Variants in CACNA2D3 observed in about 807,000 individuals in gnomAD.
The protein encoded by CACNA2D3 is voltage-dependent calcium channel subunit alpha-2/delta-3.
CACNA2D3 carries 60 observed loss-of-function variants against 160.6 expected under a neutral mutation model. The observed-to-expected ratio is 0.37, with a 90% confidence interval of 0.30 to 0.46. CACNA2D3 has a LOEUF of 0.46. Ranked by LOEUF, CACNA2D3 falls within the 20% of genes least tolerant of loss-of-function variation. The pLI is 1.00. For synonymous variants in CACNA2D3, 558 were observed against 492.9 expected (o/e 1.13, Z -1.75); for missense variants, 1,205 against 1,365.0 (o/e 0.88, Z 1.85).
intron 4 of CACNA2D3, among the ~76,000 whole-genome samples, chr3:54,485,890 A>G (rs1465395217): frequency 6.6e-6 from 1 of 152,162 alleles, no homozygotes; most frequent in African/African-American, 2.4e-5. Flanking sequence ...TGACAGACTA[A>G]CAGTGACCCC....
At chr3:54,368,305 AAAAC>A (rs982963056) in intron 3 of CACNA2D3, among the ~76,000 whole-genome samples, 3 of 152,200 alleles carry the variant, frequency 2.0e-5, no homozygotes, top group Admixed American at 6.5e-5. Context: ...TGTCTCTACA[AAAAC>A]AAACAAACAA....
At chr3:54,237,318 G>A (rs920774654) in intron 2 of CACNA2D3, among the ~76,000 whole-genome samples, 1 of 152,154 alleles carries the variant, frequency 6.6e-6, no homozygotes, top group Non-Finnish European at 1.5e-5. Context: ...AACAGGTAGA[G>A]CAGAGGCTTG....
chr3:54,709,550 C>A (rs1406390442), intron 11 of CACNA2D3, among the ~76,000 whole-genome samples: 3 of 151,934 alleles, frequency 2.0e-5, no homozygotes, highest in Non-Finnish European at 4.4e-5. Flanking sequence ...TTTGTAGAGA[C>A]AGGGTCTCAC....
intron 5 of CACNA2D3, among the ~76,000 whole-genome samples, chr3:54,521,147 T>A (rs907841073): frequency 3.9e-5 from 6 of 152,234 alleles, no homozygotes; most frequent in African/African-American, 1.4e-4. Context: ...TGGATCAAAT[T>A]GTAACTCTGT....
rs1037613611 is a variant in CACNA2D3, at chr3:54,832,066, C to T, written c.1399-5093C>T. ...ACACACACACACACACGTCTCTCCTCCTCTCTGTTGAGTTTATTTTATTCA... is the reference window on the plus strand; with the variant it reads ...ACACACACACACACACGTCTCTCCTTCTCTCTGTTGAGTTTATTTTATTCA... On this transcript the variant is annotated intron_variant, in intron 14 of 37. Coordinates refer to ENST00000474759, the MANE Select transcript of CACNA2D3 (RefSeq NM_018398.3). Among the ~76,000 whole-genome samples the T allele has an allele frequency of 2.0e-5, 3 of 146,512 alleles. No homozygotes were observed. In the East Asian group the frequency reaches 6.1e-4, roughly 30 times the overall value.
At chr3:54,619,225 A>G (rs1698928693) in intron 9 of CACNA2D3, among the ~76,000 whole-genome samples, 1 of 152,226 alleles carries the variant, frequency 6.6e-6, no homozygotes, top group Non-Finnish European at 1.5e-5. Flanking sequence ...CGATGAGCTC[A>G]CATAATACGT....
chr3:54,640,156 G>A (rs929250842), intron 10 of CACNA2D3, among the ~76,000 whole-genome samples: 4 of 152,210 alleles, frequency 2.6e-5, no homozygotes, highest in African/African-American at 4.8e-5. Context: ...GCGTGTACGT[G>A]CATGTCATAG....
rs566304947 is a variant in CACNA2D3 at position 54,953,905 on chromosome 3, G to A, written c.2450-14545G>A. On this transcript the variant is annotated intron_variant, in intron 27 of 37. Coordinates refer to ENST00000474759, the MANE Select transcript of CACNA2D3 (RefSeq NM_018398.3). ...CTGAGTAGCCTCTTGAGGTCACCCC[G>A]TTTTGCTAAGTGCTCCATTGTTTAT... Among the ~76,000 whole-genome samples the A allele has an allele frequency of 3.2e-4, 49 of 152,258 alleles. 1 individual carries two copies. Among genetic ancestry groups the A allele is most frequent in the Non-Finnish European group, 7.4e-5 (5 of 68,026 alleles).
At chr3:54,824,935 A>T (rs1703719321) in intron 14 of CACNA2D3, among the ~76,000 whole-genome samples, 1 of 152,254 alleles carries the variant, frequency 6.6e-6, no homozygotes, top group Admixed American at 6.5e-5. Context: ...TTGAAAACCA[A>T]AAATTGATTT....
chr3:54,542,631 C>T (rs1701999441), intron 5 of CACNA2D3, among the ~76,000 whole-genome samples: 2 of 152,160 alleles, frequency 1.3e-5, no homozygotes, highest in South Asian at 2.1e-4. Context: ...ACAGGAGAAA[C>T]ATGAAGGCCG....
At chr3:54,158,738 G>A (rs1348987112) in intron 2 of CACNA2D3, among the ~76,000 whole-genome samples, 2 of 152,182 alleles carry the variant, frequency 1.3e-5, no homozygotes, top group Non-Finnish European at 1.5e-5. Flanking sequence ...TGCTCACTTA[G>A]CAAGCACTTT....
At chr3:54,890,575 G>A (rs766027808) in intron 24 of CACNA2D3, among the ~76,000 whole-genome samples, 14 of 151,508 alleles carry the variant, frequency 9.2e-5, no homozygotes, top group Admixed American at 4.6e-4. Flanking sequence ...TTTTTGCATA[G>A]GAGAAATATA....
chr3:54,410,279 G>A (rs1004981127), intron 4 of CACNA2D3, among the ~76,000 whole-genome samples: 5 of 152,030 alleles, frequency 3.3e-5, no homozygotes, highest in South Asian at 4.1e-4. Flanking sequence ...GCTTGAACCC[G>A]GGAGGTGGAG....
chr3:54,772,427 G>A (rs1205073483), intron 13 of CACNA2D3, among the ~76,000 whole-genome samples: 2 of 151,996 alleles, frequency 1.3e-5, no homozygotes, highest in African/African-American at 4.8e-5. Flanking sequence ...TAAAAGTTTA[G>A]CTGTGAACAG....
rs150973963 is a variant in CACNA2D3, at chr3:54,436,232, C to T, written c.381+49458C>T. On this transcript the variant is annotated intron_variant, in intron 4 of 37. Transcript: ENST00000474759. ...GCAAATCAAAACCACAATGAGATAA[C>T]ATCTCACGCCAGTTAGAATGGCATT... Among the ~76,000 whole-genome samples the T allele has an allele frequency of 5.7e-3, 869 of 152,300 alleles. 7 individuals are homozygous for T. The highest frequency in any genetic ancestry group is 8.6e-3 in the Non-Finnish European group (582 of 68,024).
chr3:54,287,604 C>A (rs1442515632), intron 2 of CACNA2D3, among the ~76,000 whole-genome samples: 4 of 143,986 alleles, frequency 2.8e-5, no homozygotes, highest in Admixed American at 6.9e-5. Flanking sequence ...ACTCTCCACC[C>A]CAAATCAACA....
At chr3:54,354,405 G>GT (rs1444311163) in intron 3 of CACNA2D3, among the ~76,000 whole-genome samples, 5 of 152,206 alleles carry the variant, frequency 3.3e-5, no homozygotes, top group Admixed American at 3.3e-4. Context: ...AGCTTATAAA[G>GT]TATGAAGGAT....
chr3:54,736,289 T>C (rs1388464985), intron 11 of CACNA2D3, among the ~76,000 whole-genome samples: 1 of 151,418 alleles, frequency 6.6e-6, no homozygotes, highest in Non-Finnish European at 1.5e-5. Flanking sequence ...TTCATGAAAG[T>C]TCATGATTAA....
At chr3:54,123,121 T>TC (rs1428952596) in intron 1 of CACNA2D3, among the ~76,000 whole-genome samples, 1 of 151,490 alleles carries the variant, frequency 6.6e-6, no homozygotes, top group African/African-American at 2.4e-5. Flanking sequence ...CCGCTGAATT[T>TC]CCCCCCTCTT....
Sources: allele counts gnomAD v4.1 joint callset (sites outside exome capture counted in the v4.1 genomes callset), GRCh38; gene constraint gnomAD v4.1.1; transcripts MANE v1.5; gene names NCBI Gene and HGNC (gene_info 2026-07-23, HGNC 2026-07-21).